Variants in IFNAR2 observed in about 807,000 individuals in gnomAD.
IFNAR2 encodes interferon alpha and beta receptor subunit 2.
Under a neutral mutation model 49.4 loss-of-function variants are expected in IFNAR2, and 30 were observed. The observed-to-expected ratio is 0.61, with a 90% CI of 0.45 to 0.82. The LOEUF (loss-of-function observed/expected upper bound fraction) is 0.82. Among genes scored for constraint, IFNAR2 ranks in the 40% least tolerant of loss-of-function variants. The pLI is 0.00. For missense variants in IFNAR2, 600 were observed against 622.7 expected (o/e 0.96, Z 0.39); for synonymous variants, 224 against 234.5 (o/e 0.96, Z 0.41).
rs1987278249 is a variant in IFNAR2, at chr21:33,244,954, A to G, written c.101A>G (p.Tyr34Cys). ...VFGISYDSPD[Y>C]TDESCTFKIS... is the part of the protein sequence containing the mutation. The stretch of plus-strand genomic sequence containing the variant: ...CCCTTTTTCTTCTTCTCTTTAGATT[A>G]CACAGATGAATCTTGCACTTTCAAG... Residue 34 changes from tyrosine to cysteine, a missense_variant, in exon 4 of 9, where the codon TAC (tyrosine) becomes TGC (cysteine). Transcript: ENST00000342136. The G allele has an allele frequency of 1.2e-6, 2 of 1,613,472 alleles. No homozygotes were observed. The highest frequency in any genetic ancestry group is 1.7e-6 in the Non-Finnish European group (2 of 1,179,608).
In IFNAR2 at chr21:33,230,845, G is replaced by A. The variant is rs1219108911; in HGVS notation, c.-84+629G>A. 1.3e-5 allele frequency among the ~76,000 whole-genome samples: 2 copies of A among 152,114 alleles called. No homozygotes were observed. The highest frequency in any genetic ancestry group is 2.9e-5 in the Non-Finnish European group (2 of 68,016). On this transcript the variant is annotated intron_variant, in intron 1 of 8. Coordinates refer to ENST00000342136, the MANE Select transcript of IFNAR2 (RefSeq NM_001289125.3). The surrounding 1 kb of genome is among the most constrained non-coding windows in gnomAD (Gnocchi z 5.5). The stretch of plus-strand genomic sequence containing the variant: ...CCAGGGTCGGAGAGGGGAGATACTG[G>A]GAAGATACTCCGCGAATATGGAGAG...
At chr21:33,235,748 A>G (rs1644018704) in intron 1 of IFNAR2, among the ~76,000 whole-genome samples, 1 of 152,014 alleles carries the variant, frequency 6.6e-6, no homozygotes, top group African/African-American at 2.4e-5. Context: ...AACACTGTGA[A>G]ACCCCGTCTC....
rs77393314 is a variant in IFNAR2, at chr21:33,253,027, A to G, written c.709+197A>G. On this transcript the variant is annotated intron_variant, in intron 7 of 8. Coordinates refer to ENST00000342136, the MANE Select transcript of IFNAR2 (RefSeq NM_001289125.3). ...TCACTTTTATATTGTCATACCAAAA[A>G]ACAATCAGATACTACTCGATGAGAT... is the stretch of plus-strand genomic sequence containing the variant. 1.1e-4 allele frequency among the ~76,000 whole-genome samples: 16 copies of G among 152,324 alleles called. No individual in the cohort carries two copies. The East Asian group carries it at 2.9e-3, about 28-fold the overall frequency.
chr21:33,262,364 CAA>C lies in IFNAR2; in HGVS notation c.841-409_841-408del, dbSNP rs58341848. On this transcript the variant is annotated intron_variant, in intron 8 of 8. Transcript: ENST00000342136. ...GGGCAACAGAGCGAGACTCCCGTCT[CAA>C]AAAAAAAAAAAAAAAAAAATAGTAA... Among the ~76,000 whole-genome samples, 518 of 96,328 alleles carry C rather than the reference CAA, an allele frequency of 5.4e-3. 1 individual carries two copies. Among genetic ancestry groups the C allele is most frequent in the African/African-American group, 0.016 (398 of 24,160 alleles). 63.2% of individuals were successfully genotyped at this position (96,328 alleles called of 152,430 possible).
chr21:33,263,618 G>C lies in IFNAR2; in HGVS notation c.*118G>C, dbSNP rs1347677563. ...TCTCCAAGGGAAGGAGGAGGAAACT[G>C]TGGTGTTCCTTTCTTCCAGGTGACA... On this transcript the variant is annotated 3_prime_UTR_variant, in exon 9 of 9. Transcript: ENST00000342136. The C allele has an allele frequency of 2.1e-6, 2 of 946,606 alleles. No individual in the cohort carries two copies. Among genetic ancestry groups the C allele is most frequent in the African/African-American group, 3.3e-5 (2 of 60,384 alleles). 58.6% of individuals were successfully genotyped at this position (946,606 alleles called of 1,614,324 possible).
At chr21:33,240,084 C>T (rs1241826240) in intron 1 of IFNAR2, among the ~76,000 whole-genome samples, 2 of 152,196 alleles carry the variant, frequency 1.3e-5, no homozygotes, top group Non-Finnish European at 2.9e-5. Context: ...GGTCACAGGC[C>T]TCAATGTTGT....
rs568929282 is a variant in IFNAR2, at chr21:33,237,366, TA to T, written c.-83-4463del. 7.3e-3 allele frequency among the ~76,000 whole-genome samples: 1,062 copies of T among 146,232 alleles called. 20 individuals carry two copies. The highest frequency in any genetic ancestry group is 0.024 in the African/African-American group (965 of 40,062). ...GGACAACATAGCAAAGCCCCATCTC[TA>T]AAAAAAAAAATACAAAAATTAGCCA... is the stretch of plus-strand genomic sequence containing the variant. On this transcript the variant is annotated intron_variant, in intron 1 of 8. Transcript: ENST00000342136.
chr21:33,232,786 TG>T (rs1986159070), intron 1 of IFNAR2, among the ~76,000 whole-genome samples: 1 of 152,296 alleles, frequency 6.6e-6, no homozygotes, highest in South Asian at 2.1e-4. Flanking sequence ...ACCAACCTTC[TG>T]GGCTAGAGAA....
Position 33,252,792 on chromosome 21 carries a change from C to G in IFNAR2, c.671C>G (p.Pro224Arg). ...HSDEQAVIKS[P>R]LKCTLLPPGQ... ...GATGAGCAAGCAGTAATAAAGTCTC[C>G]CTTAAAATGCACCCTCCTTCCACCT... The change falls in exon 7 of 9, where the codon CCC (proline) becomes CGC (arginine). Residue 224 changes from proline (P) to arginine (R), a missense_variant. By Grantham distance (103) the Pro-to-Arg change is moderately radical. Transcript: ENST00000342136. 6.2e-7 allele frequency: 1 copy of G among 1,613,978 alleles called. No homozygotes were observed. Among genetic ancestry groups the G allele is most frequent in the Non-Finnish European group, 8.5e-7 (1 of 1,179,904 alleles).
At position 33,245,238 on chromosome 21, in the gene IFNAR2, A is replaced by AC. The variant is rs1322569601; in HGVS notation, c.221+166dup. On this transcript the variant is annotated intron_variant, in intron 4 of 8. Coordinates refer to ENST00000342136, the MANE Select transcript of IFNAR2 (RefSeq NM_001289125.3). ...AGCCTTAAAAAGCCAAAGACAAAAC[A>AC]CCATCACACATCCATTTTTAATTCA... Among the ~76,000 whole-genome samples the AC allele has an allele frequency of 3.9e-5, 6 of 152,242 alleles. No individual in the cohort carries two copies. In the East Asian group the frequency reaches 1.2e-3, roughly 29 times the overall value.
chr21:33,236,883 T>A, intron 1 of IFNAR2: 1 of 985,234 alleles, frequency 1.0e-6, no homozygotes, highest in Non-Finnish European at 1.2e-6. Flanking sequence ...GAGCCATGCT[T>A]TAGGAAGACT....
intron 7 of IFNAR2, 37 bp downstream of exon 7, chr21:33,252,867 C>T (rs766829275): frequency 6.8e-6 from 10 of 1,475,024 alleles, no homozygotes; most frequent in Non-Finnish European, 9.5e-6. Flanking sequence ...TTTGAGTATT[C>T]ATGCTTTTAC....
At position 33,241,895 on chromosome 21, in the gene IFNAR2, T is replaced by G; in HGVS notation, c.-28T>G. On this transcript the variant is annotated 5_prime_UTR_variant, in exon 2 of 9. Coordinates refer to ENST00000342136, the MANE Select transcript of IFNAR2 (RefSeq NM_001289125.3). ...CTAATGTTGATTTCAGATGTAAAAG[T>G]CAAGAGAAGACTCTAAAAATAGCAA... 1 of 1,609,248 alleles carries G rather than the reference T, an allele frequency of 6.2e-7. No homozygotes were observed. The highest frequency in any genetic ancestry group is 8.5e-7 in the Non-Finnish European group (1 of 1,176,300).
Position 33,262,708 on chromosome 21 carries a change from A to G in IFNAR2, c.841-85A>G, listed in dbSNP as rs763152670. On this transcript the variant is annotated intron_variant, in intron 8 of 8. Coordinates refer to ENST00000342136, the MANE Select transcript of IFNAR2 (RefSeq NM_001289125.3). ...TTACAAGCGTGCATCCCTGTGCCCCAGTGATTAAGTTTTATTATGTAGAAA... is the reference window on the plus strand; with the variant it reads ...TTACAAGCGTGCATCCCTGTGCCCCGGTGATTAAGTTTTATTATGTAGAAA... The G allele has an allele frequency of 1.9e-5, 29 of 1,557,530 alleles. No individual in the cohort carries two copies. The Admixed American group carries it at 2.8e-4, about 15-fold the overall frequency.
chr21:33,235,028 C>T (rs777256814), intron 1 of IFNAR2, among the ~76,000 whole-genome samples: 5 of 151,940 alleles, frequency 3.3e-5, no homozygotes, highest in Non-Finnish European at 2.9e-5. Context: ...TCACTTTTTT[C>T]GATGATATAG....
chr21:33,254,252 G>A (rs1012320089), intron 7 of IFNAR2, among the ~76,000 whole-genome samples: 1 of 152,032 alleles, frequency 6.6e-6, no homozygotes, highest in African/African-American at 2.4e-5. Flanking sequence ...GTGCCTCACG[G>A]GACCTTCCTA....
chr21:33,235,754 G>T (rs8134259), intron 1 of IFNAR2, among the ~76,000 whole-genome samples: 1 of 151,858 alleles, frequency 6.6e-6, no homozygotes, highest in Non-Finnish European at 1.5e-5. Context: ...GTGAAACCCC[G>T]TCTCTACTAA....
intron 5 of IFNAR2, 79 bp downstream of exon 5, chr21:33,246,969 C>A: frequency 7.8e-7 from 1 of 1,279,956 alleles, no homozygotes; most frequent in South Asian, 1.4e-5. Flanking sequence ...AATAGGAGGT[C>A]TACAAAGGTG....
At chr21:33,237,312 A>G (rs1986552481) in intron 1 of IFNAR2, among the ~76,000 whole-genome samples, 1 of 152,006 alleles carries the variant, frequency 6.6e-6, no homozygotes, top group Non-Finnish European at 1.5e-5. Flanking sequence ...CCGGAGGATC[A>G]CTTGAGCCCA....
Sources: gnomAD v4.1 joint callset for allele counts (sites outside exome capture counted in the v4.1 genomes callset) on GRCh38, gnomAD v4.1.1 for gene constraint, Gnocchi (gnomAD v3.1) non-coding constraint, MANE v1.5 for transcripts, NCBI Gene and HGNC (gene_info 2026-07-23, HGNC 2026-07-21) for gene names.